KLHL13: variants seen among roughly 807,000 people sequenced by gnomAD.
KLHL13 encodes the protein kelch like family member 13.
Under a neutral mutation model 37.1 loss-of-function variants are expected in KLHL13, and 10 were observed. That is an observed-to-expected ratio of 0.27 (90% CI 0.17 to 0.46). The LOEUF (loss-of-function observed/expected upper bound fraction) is 0.46, where lower values mean the gene tolerates loss of function less well. Among genes scored for constraint, KLHL13 ranks in the 20% least tolerant of loss-of-function variants. The pLI, the probability that KLHL13 is intolerant of heterozygous loss-of-function variation, is 1.00. For missense variants in KLHL13, 360 were observed against 509.3 expected (o/e 0.71, Z 2.82); for synonymous variants, 163 against 181.2 (o/e 0.90, Z 0.81).
At chrX:117,902,929 A>T (rs953803613) in intron 5 of KLHL13, among the ~76,000 whole-genome samples, 2 of 110,845 alleles carry the variant, frequency 1.8e-5, no homozygotes, top group African/African-American at 6.6e-5. Flanking sequence ...TAAAAACGAA[A>T]TTTAATTTAG....
intron 1 of KLHL13, among the ~76,000 whole-genome samples, chrX:118,036,508 A>C (rs1337959312): frequency 8.9e-6 from 1 of 112,019 alleles, no homozygotes; most frequent in Non-Finnish European, 1.9e-5. Context: ...TTCCCTATTT[A>C]ATAAATGATG....
intron 1 of KLHL13, among the ~76,000 whole-genome samples, chrX:118,107,107 G>A (rs992804682): frequency 8.9e-6 from 1 of 111,802 alleles, no homozygotes; most frequent in African/African-American, 3.2e-5. Context: ...AAAACCAAAT[G>A]TTTTCATGTT....
At chrX:118,081,227 A>G (rs1476668223) in intron 1 of KLHL13, among the ~76,000 whole-genome samples, 1 of 111,548 alleles carries the variant, frequency 9.0e-6, no homozygotes, top group African/African-American at 3.3e-5. Context: ...CCCTGTATCT[A>G]AAATAAAAGT....
At chrX:118,096,245 G>T in intron 1 of KLHL13, among the ~76,000 whole-genome samples, 1 of 110,801 alleles carries the variant, frequency 9.0e-6, no homozygotes, top group East Asian at 2.8e-4. Context: ...GACAAAGGGG[G>T]TATCACCACC....
Position 117,901,952 on chromosome X carries a change from A to T in KLHL13, c.1367-6T>A. On this transcript the variant is annotated splice_region_variant and splice_polypyrimidine_tract_variant and intron_variant, in intron 5 of 6. Transcript: ENST00000262820. ...ATTGTAACATTCTACTGTGGCTGTT[A>T]AAAAAAAAAAGAAAAGAAAATTATT... 6.1e-6 allele frequency: 3 copies of T among 495,285 alleles called. No individual in the cohort carries two copies. Among genetic ancestry groups the T allele is most frequent in the Non-Finnish European group, 8.7e-6 (3 of 346,143 alleles). The allele number at this position is 495,285 out of a possible 1,213,427, so 40.8% of individuals were successfully genotyped here. A position where few individuals can be genotyped will look rare whatever the true frequency, so the allele number is the denominator to read the frequency against.
At chrX:117,984,581 T>C in intron 1 of KLHL13, among the ~76,000 whole-genome samples, 1 of 111,246 alleles carries the variant, frequency 9.0e-6, no homozygotes, top group East Asian at 2.8e-4. Flanking sequence ...ATGAAAAAAG[T>C]AGGTGGAAAA....
intron 2 of KLHL13, among the ~76,000 whole-genome samples, chrX:117,928,753 T>C (rs1358542018): frequency 1.8e-5 from 2 of 111,710 alleles, no homozygotes; most frequent in Non-Finnish European, 3.8e-5. Context: ...ACACCTCCTA[T>C]GAAAGATGTT....
At chrX:117,919,909 T>A (rs1931597401) in intron 3 of KLHL13, among the ~76,000 whole-genome samples, 192 bp from the exon 5 acceptor site, 2 of 108,060 alleles carry the variant, frequency 1.9e-5, no homozygotes, top group Admixed American at 1.0e-4. Context: ...CTAATGGAGG[T>A]CATATATGAT....
intron 1 of KLHL13, among the ~76,000 whole-genome samples, chrX:117,999,907 G>A (rs924656778): frequency 1.5e-4 from 17 of 111,250 alleles, no homozygotes; most frequent in Admixed American, 8.6e-4. Context: ...CTACTTTCTA[G>A]ACAAATTTAC....
intron 1 of KLHL13, among the ~76,000 whole-genome samples, chrX:118,073,231 A>C (rs751402015): frequency 1.8e-5 from 2 of 111,724 alleles, no homozygotes; most frequent in East Asian, 2.8e-4. Context: ...AAGGAGGTTT[A>C]ATGGACTTAC....
chrX:117,943,178 T>G, intron 2 of KLHL13, among the ~76,000 whole-genome samples: 1 of 111,883 alleles, frequency 8.9e-6, no homozygotes, highest in South Asian at 3.8e-4. Context: ...CCTTGTAGGG[T>G]TTCTGCAGAG....
chrX:117,991,327 G>A (rs2053787890), intron 1 of KLHL13, among the ~76,000 whole-genome samples: 1 of 110,167 alleles, frequency 9.1e-6, no homozygotes, highest in Middle Eastern at 4.6e-3. Context: ...CAGCCAAGGA[G>A]AGAGATACTA....
intron 5 of KLHL13, among the ~76,000 whole-genome samples, 175 bp downstream of exon 6, chrX:117,909,126 G>A (rs1156385051): frequency 2.7e-5 from 3 of 111,877 alleles, no homozygotes; most frequent in African/African-American, 9.7e-5. Flanking sequence ...CCTTGCCAAC[G>A]ATATATGCCC....
rs1297928607 is a variant in KLHL13, at chrX:118,022,478, T to C, written c.-55-76903A>G. ...CCAACAGTGTGTAAGGGTTCTCTTC[T>C]CTACATCCTCTCCAACACTTGCTAT... On this transcript the variant is annotated intron_variant, in intron 1 of 6. Transcript: ENST00000371882. Among the ~76,000 whole-genome samples, 3 of 111,640 alleles carry C rather than the reference T, an allele frequency of 2.7e-5. No homozygotes were observed. The East Asian group carries it at 8.5e-4, about 32-fold the overall frequency.
At chrX:117,905,191 T>C (rs919559590) in intron 5 of KLHL13, among the ~76,000 whole-genome samples, 1 of 111,469 alleles carries the variant, frequency 9.0e-6, no homozygotes, top group Admixed American at 9.6e-5. Context: ...ATTGTGCATG[T>C]ATTTGAAAAA....
chrX:118,088,513 A>G (rs763881758), intron 1 of KLHL13, among the ~76,000 whole-genome samples: 1 of 111,912 alleles, frequency 8.9e-6, no homozygotes, highest in African/African-American at 3.2e-5. Context: ...TAACAGACAC[A>G]TATGTGGTAC....
At chrX:118,063,595 A>G (rs898446195) in intron 1 of KLHL13, among the ~76,000 whole-genome samples, 2 of 111,629 alleles carry the variant, frequency 1.8e-5, no homozygotes, top group Non-Finnish European at 3.8e-5. Flanking sequence ...ATGTCATGCT[A>G]TATTAGTTTG....
chrX:117,927,624 AT>A (rs1238138768), intron 2 of KLHL13, among the ~76,000 whole-genome samples: 3 of 112,444 alleles, frequency 2.7e-5, no homozygotes, highest in Non-Finnish European at 5.6e-5. Context: ...ACAAAGTTCC[AT>A]ACCATGGAAT....
chrX:118,032,182 C>T (rs1341891824), intron 1 of KLHL13, among the ~76,000 whole-genome samples: 1 of 111,230 alleles, frequency 9.0e-6, no homozygotes, highest in East Asian at 2.8e-4. Flanking sequence ...CCACCATTGC[C>T]CAGGCTTGCT....
Sources: gnomAD v4.1 joint callset for allele counts (sites outside exome capture counted in the v4.1 genomes callset) on GRCh38, gnomAD v4.1.1 for gene constraint, MANE v1.5 for transcripts, NCBI Gene and HGNC (gene_info 2026-07-23, HGNC 2026-07-21) for gene names.